NCOA6: variants seen among roughly 807,000 people sequenced by gnomAD.
NCOA6 encodes the protein NRC RAP250.
In NCOA6, 49 loss-of-function variants were observed where a neutral mutation model predicts 171.4. The observed-to-expected ratio is 0.29, with a 90% CI of 0.23 to 0.36. The LOEUF is 0.36. NCOA6 is among the 10% of genes least tolerant of loss of function. NCOA6 has a pLI of 1.00. For synonymous variants in NCOA6, 910 were observed against 927.5 expected (o/e 0.98, Z 0.34); for missense variants, 2,248 against 2,554.5 (o/e 0.88, Z 2.59).
chr20:34,720,410 T>C (rs1210126733), intron 14 of NCOA6, among the ~76,000 whole-genome samples: 17 of 152,220 alleles, frequency 1.1e-4, no homozygotes, highest in Admixed American at 9.8e-4. Flanking sequence ...TTCCTGGACT[T>C]GCCCAGAAAT....
rs144942091 is a variant in NCOA6 at position 34,749,850 on chromosome 20, C to T, written c.2345G>A (p.Gly782Asp). 5.6e-6 allele frequency: 9 copies of T among 1,614,222 alleles called. No homozygotes were observed. The highest frequency in any genetic ancestry group is 7.6e-6 in the Non-Finnish European group (9 of 1,180,036). Residue 782 changes from glycine (G) to aspartate (D), a missense_variant, in exon 9 of 15, where the codon GGC (glycine) becomes GAC (aspartate). Gly to Asp is a moderately conservative substitution (Grantham distance 94, BLOSUM62 -1). Coordinates refer to ENST00000359003, the MANE Select transcript of NCOA6 (RefSeq NM_014071.5). ...TGGCCGCAGGACCTGTCCCTGAATG[C>T]CCATAACCTGAGATGGACTGTTGTT... Reference protein sequence around the residue: ...PVNNSPSQVMGIQGQVLRPPG... With the variant: ...PVNNSPSQVMDIQGQVLRPPG...
chr20:34,773,626 C>A (rs900714978), intron 4 of NCOA6, among the ~76,000 whole-genome samples: 1 of 152,124 alleles, frequency 6.6e-6, no homozygotes, highest in South Asian at 2.1e-4. Context: ...TGGGTTCAAG[C>A]AATTCTCCTG....
chr20:34,717,221 C>T (rs186719652), intron 14 of NCOA6, among the ~76,000 whole-genome samples: 190 of 152,268 alleles, frequency 1.2e-3, no homozygotes, highest in African/African-American at 4.1e-3. Flanking sequence ...GAGTCTGAGG[C>T]GGGTGGATCA....
intron 9 of NCOA6, among the ~76,000 whole-genome samples, chr20:34,748,994 T>G (rs901905378): frequency 6.6e-6 from 1 of 152,192 alleles, no homozygotes; most frequent in Non-Finnish European, 1.5e-5. Context: ...AATTAAGAGA[T>G]ATACCAGCCA....
In NCOA6 at chr20:34,749,823, G is replaced by A; in HGVS notation, c.2372C>T (p.Pro791Leu). 6.2e-7 allele frequency: 1 copy of A among 1,614,232 alleles called. No homozygotes were observed. The highest frequency in any genetic ancestry group is 1.1e-5 in the South Asian group (1 of 91,088). Residue 791 changes from proline (P) to leucine (L), a missense_variant, in exon 9 of 15, where the codon CCA becomes CTA. Physicochemically the swap from Pro to Leu is moderately conservative, Grantham distance 98. Transcript: ENST00000359003. ...CTGGGCCATGTGTGGGCTGGGCCCTGGTGGCCGCAGGACCTGTCCCTGAAT... is the reference window on the plus strand; with the variant it reads ...CTGGGCCATGTGTGGGCTGGGCCCTAGTGGCCGCAGGACCTGTCCCTGAAT... ...MGIQGQVLRPPGPSPHMAQQH... is the reference protein window; with the variant it reads ...MGIQGQVLRPLGPSPHMAQQH...
In NCOA6 at chr20:34,741,161, G is replaced by A. The variant is rs1237065165; in HGVS notation, c.5095C>T (p.Pro1699Ser). Residue 1699 changes from proline (P) to serine (S), a missense_variant, in exon 11 of 15, where the codon CCT (proline) becomes TCT (serine). This residue lies in a region of NCOA6 where 884 missense variants were observed against 941.9 expected (regional missense o/e 0.94). Transcript: ENST00000359003. The part of the protein sequence containing the change: ...LMPPSVAVVG[P>S]LHIPQNIKFS... ...TTTATGTTCTGAGGTATGTGTAAAG[G>A]GCCAACAACTGCAACAGAGGGAGGC... 6.2e-6 allele frequency: 10 copies of A among 1,614,078 alleles called. No individual in the cohort carries two copies. In the East Asian group the frequency reaches 6.7e-5, roughly 11 times the overall value.
chr20:34,789,538 C>T (rs1292945537), intron 2 of NCOA6, among the ~76,000 whole-genome samples: 4 of 152,180 alleles, frequency 2.6e-5, no homozygotes, highest in South Asian at 4.1e-4. Context: ...TTTGGGAAGC[C>T]GAGGTGGGCA....
intron 11 of NCOA6, among the ~76,000 whole-genome samples, chr20:34,739,806 A>G (rs1287962499): frequency 6.6e-6 from 1 of 152,150 alleles, no homozygotes; most frequent in Non-Finnish European, 1.5e-5. Flanking sequence ...AAATTGAAAA[A>G]CTTATATAAA....
intron 1 of NCOA6, among the ~76,000 whole-genome samples, chr20:34,818,978 A>C (rs182958650): frequency 3.3e-5 from 5 of 152,350 alleles, no homozygotes; most frequent in Non-Finnish European, 7.3e-5. Flanking sequence ...TACAGTACTT[A>C]ATACATAGTA....
At chr20:34,744,179 A>T (rs1172637529) in intron 10 of NCOA6, among the ~76,000 whole-genome samples, 1 of 152,182 alleles carries the variant, frequency 6.6e-6, no homozygotes, top group Non-Finnish European at 1.5e-5. Flanking sequence ...ACAGCTGGAG[A>T]ATAAGTAAGG....
Position 34,740,958 on chromosome 20 carries a change from C to T in NCOA6, c.5298G>A (p.Leu1766=). Residue 1766 remains leucine, a synonymous_variant, in exon 11 of 15, where the codon TTG becomes TTA. Transcript: ENST00000359003. ...CCTGAGGGCTAGCCTCATCTGGATT[C>T]AATTCTTTCACTTGCTGCACAGGGG... is the stretch of plus-strand genomic sequence containing the variant. ...SHPPVQQVKE[L]NPDEASPQVN... 1 of 1,614,156 alleles carries T rather than the reference C, an allele frequency of 6.2e-7. No individual in the cohort carries two copies. Among genetic ancestry groups the T allele is most frequent in the Non-Finnish European group, 8.5e-7 (1 of 1,180,040 alleles).
At chr20:34,768,881 T>C (rs549895352) in intron 4 of NCOA6, among the ~76,000 whole-genome samples, 1 of 152,210 alleles carries the variant, frequency 6.6e-6, no homozygotes, top group Admixed American at 6.6e-5. Context: ...TTTTCAACCA[T>C]CTTACCAATT....
At chr20:34,813,741 T>G (rs754644347) in intron 1 of NCOA6, among the ~76,000 whole-genome samples, 1 of 152,136 alleles carries the variant, frequency 6.6e-6, no homozygotes, top group Non-Finnish European at 1.5e-5. Context: ...TTCACTGTAC[T>G]ATTATTCCTG....
At position 34,715,196 on chromosome 20, in the gene NCOA6, T is replaced by C. The variant is rs1393825347; in HGVS notation, c.*126A>G. The C allele has an allele frequency of 1.0e-5, 13 of 1,265,590 alleles. No individual in the cohort carries two copies. Among genetic ancestry groups the C allele is most frequent in the Non-Finnish European group, 1.5e-5 (13 of 885,162 alleles). The allele number at this position is 1,265,590 out of a possible 1,614,324, so 78.4% of individuals were successfully genotyped here. On this transcript the variant is annotated 3_prime_UTR_variant, in exon 15 of 15. Transcript: ENST00000359003. ...ACTTTATGAAACAGGTTGCAGGGAC[T>C]AGGAAAAGGGCCACATTATTAAAAT... is the stretch of plus-strand genomic sequence containing the variant.
intron 14 of NCOA6, among the ~76,000 whole-genome samples, chr20:34,718,478 A>AC (rs1988877220): frequency 7.0e-6 from 1 of 143,590 alleles, no homozygotes; most frequent in African/African-American, 2.6e-5. Context: ...TAGGCAAATC[A>AC]CCTTTTTTTT....
At chr20:34,796,606 A>C (rs575814805) in intron 1 of NCOA6, among the ~76,000 whole-genome samples, 2 of 152,250 alleles carry the variant, frequency 1.3e-5, no homozygotes, top group South Asian at 4.1e-4. Context: ...TGAGCCTATA[A>C]GTTCGAGACC....
rs772169591 is a variant in NCOA6, at chr20:34,757,408, T to C, written c.1340A>G (p.Asn447Ser). The change falls in exon 7 of 15, where the codon AAC (asparagine) becomes AGC (serine). Residue 447 changes from asparagine to serine, a missense_variant. By Grantham distance (46) the Asn-to-Ser change is conservative. Coordinates refer to ENST00000359003, the MANE Select transcript of NCOA6 (RefSeq NM_014071.5). Reference protein sequence around the residue: ...QGSPASSPTVNQTQQQMGPRP... With the variant: ...QGSPASSPTVSQTQQQMGPRP... ...TGGTCCCATCTGCTGCTGAGTTTGGTTAACCGTTGGGGAGGATGCAGGGGA... is the reference window on the plus strand; with the variant it reads ...TGGTCCCATCTGCTGCTGAGTTTGGCTAACCGTTGGGGAGGATGCAGGGGA... The C allele has an allele frequency of 6.2e-7, 1 of 1,613,860 alleles. No individual in the cohort carries two copies. The highest frequency in any genetic ancestry group is 1.7e-5 in the Admixed American group (1 of 60,002).
chr20:34,777,264 C>T (rs533225733), intron 3 of NCOA6, among the ~76,000 whole-genome samples: 1 of 152,108 alleles, frequency 6.6e-6, no homozygotes, highest in East Asian at 1.9e-4. Flanking sequence ...CCACCATTAC[C>T]ATGGCTACTA....
intron 11 of NCOA6, among the ~76,000 whole-genome samples, chr20:34,738,582 G>C (rs998742343): frequency 1.6e-4 from 25 of 152,216 alleles, no homozygotes; most frequent in African/African-American, 5.8e-4. Flanking sequence ...TGTAAGAGCA[G>C]CAGACTTCTT....
Sources: gnomAD v4.1 joint callset for allele counts (sites outside exome capture counted in the v4.1 genomes callset) on GRCh38, gnomAD v4.1.1 for gene constraint, gnomAD v4.1.1 regional missense constraint, MANE v1.5 for transcripts, NCBI Gene and HGNC (gene_info 2026-07-23, HGNC 2026-07-21) for gene names.